Variants in PCDHGA1 observed in about 807,000 individuals in gnomAD.
PCDHGA1 encodes the protein protocadherin gamma-A1.
Under a neutral mutation model 58.0 loss-of-function variants are expected in PCDHGA1, and 32 were observed. The ratio of observed to expected loss-of-function variants is 0.55; its 90% confidence interval spans 0.42 to 0.74. The LOEUF is 0.74. PCDHGA1 is among the 30% of genes least tolerant of loss of function. The pLI, the probability that PCDHGA1 is intolerant of heterozygous loss-of-function variation, is 0.00. For missense variants in PCDHGA1, 1,205 were observed against 1,182.3 expected, an observed-to-expected ratio of 1.02 and a Z score of -0.28; for synonymous variants, 498 against 501.1, an observed-to-expected ratio of 0.99 and a Z score of 0.08.
rs184860941 is a variant in PCDHGA1, at chr5:141,386,661, G to A, written c.2421+53556G>A. On this transcript the variant is annotated intron_variant, in intron 1 of 3. Coordinates refer to ENST00000517417, the MANE Select transcript of PCDHGA1 (RefSeq NM_018912.3). ...CTGGATACATTTTACAAGTTCTGCA[G>A]TGTTCACATTTCAGATGTACAATCA... Among the ~76,000 whole-genome samples the A allele has an allele frequency of 2.0e-4, 31 of 152,110 alleles. No individual in the cohort carries two copies. In the East Asian group the frequency reaches 3.5e-3, roughly 17 times the overall value.
intron 1 of PCDHGA1, chr5:141,356,943 C>G: frequency 1.2e-6 from 2 of 1,614,240 alleles, no homozygotes; most frequent in African/African-American, 1.3e-5. Flanking sequence ...CACCCCGCTC[C>G]GCAGATTCCG....
At chr5:141,361,700 A>G (rs1200553765) in intron 1 of PCDHGA1, 2 of 1,613,456 alleles carry the variant, frequency 1.2e-6, no homozygotes, top group Non-Finnish European at 1.7e-6. Context: ...GCCTTCGATC[A>G]TGAGCAGCTG....
chr5:141,413,075 AG>A (rs1225722826), intron 1 of PCDHGA1: 11 of 1,246,492 alleles, frequency 8.8e-6, no homozygotes, highest in Non-Finnish European at 1.1e-5. Context: ...TAAAGTGCCC[AG>A]GCTACAGAGA....
intron 1 of PCDHGA1, chr5:141,427,965 C>T: frequency 6.3e-7 from 1 of 1,590,342 alleles, no homozygotes; most frequent in Non-Finnish European, 8.6e-7. Flanking sequence ...GCCGCGGGTG[C>T]TGTACCCCGC....
chr5:141,436,384 C>A lies in PCDHGA1; in HGVS notation c.2422-58423C>A, dbSNP rs1048094484. 2.6e-5 allele frequency among the ~76,000 whole-genome samples: 4 copies of A among 152,222 alleles called. 1 individual carries two copies. Among genetic ancestry groups the A allele is most frequent in the Non-Finnish European group, 4.4e-5 (3 of 67,978 alleles). On this transcript the variant is annotated intron_variant, in intron 1 of 3. Coordinates refer to ENST00000517417, the MANE Select transcript of PCDHGA1 (RefSeq NM_018912.3). The stretch of plus-strand genomic sequence containing the variant: ...ATGTTTCCAGTTTAAGCTGAATAGG[C>A]TTTATTAAATAGTTGTTGAATGAAT...
intron 1 of PCDHGA1, chr5:141,364,809 C>A: frequency 6.2e-7 from 1 of 1,613,952 alleles, no homozygotes; most frequent in Non-Finnish European, 8.5e-7. Flanking sequence ...GCGCGGGATG[C>A]GGATGTGGGT....
At chr5:141,341,607 A>T in intron 1 of PCDHGA1, 2 of 964,978 alleles carry the variant, frequency 2.1e-6, no homozygotes. Context: ...ATGAATGTAA[A>T]CCAGGAGTTA....
chr5:141,422,228 T>C (rs1561800204), intron 1 of PCDHGA1: 1 of 1,565,566 alleles, frequency 6.4e-7, no homozygotes, highest in Non-Finnish European at 8.6e-7. Flanking sequence ...ACCACGACGA[T>C]GTTGATCACT....
Position 141,432,480 on chromosome 5 carries a change from G to T in PCDHGA1, c.2422-62327G>T, listed in dbSNP as rs775075732. On this transcript the variant is annotated intron_variant, in intron 1 of 3. Transcript: ENST00000517417. This position sits in a 1 kb window ranked among gnomAD's most constrained non-coding sequence, Gnocchi z 6.0. ...GCCCTCCCCACGGACGGTTCCACTG[G>T]CGTGGAGCTGGCTCCCCGCTCCGCA... The T allele has an allele frequency of 1.9e-6, 3 of 1,614,180 alleles. No individual in the cohort carries two copies. The highest frequency in any genetic ancestry group is 2.2e-5 in the South Asian group (2 of 91,078).
chr5:141,509,638 A>G (rs1204228233), intron 3 of PCDHGA1, among the ~76,000 whole-genome samples: 1 of 152,174 alleles, frequency 6.6e-6, no homozygotes, highest in Admixed American at 6.5e-5. Flanking sequence ...ATGCTGAGCC[A>G]GGGCCAGAGT....
chr5:141,432,707 G>T lies in PCDHGA1; in HGVS notation c.2422-62100G>T. The T allele has an allele frequency of 6.2e-7, 1 of 1,613,988 alleles. No homozygotes were observed. The highest frequency in any genetic ancestry group is 1.1e-5 in the South Asian group (1 of 91,080). ...CCTCGTAGTGGCCGTCCAGGACCAC[G>T]GCCAGCCCCCTCTCTCCGCCACTGT... On this transcript the variant is annotated intron_variant, in intron 1 of 3. Transcript: ENST00000517417. The surrounding 1 kb of genome is among the most constrained non-coding windows in gnomAD (Gnocchi z 6.0).
At chr5:141,447,023 G>GT (rs5871773) in intron 1 of PCDHGA1, among the ~76,000 whole-genome samples, 28,105 of 151,474 alleles carry the variant, frequency 0.19, 2,731 homozygotes, top group African/African-American at 0.24. Context: ...GTTTTGTTTT[G>GT]TTTTTTTTCT....
chr5:141,367,651 T>C (rs1205375044), intron 1 of PCDHGA1: 1 of 152,174 alleles, frequency 6.6e-6, no homozygotes, highest in Non-Finnish European at 1.5e-5. Context: ...TTAAGCCATG[T>C]AGTTATTGGA....
At chr5:141,373,462 G>C (rs1769608771) in intron 1 of PCDHGA1, among the ~76,000 whole-genome samples, 1 of 152,218 alleles carries the variant, frequency 6.6e-6, no homozygotes, top group African/African-American at 2.4e-5. Context: ...GGTAGCAGCT[G>C]CAATGAGCTA....
intron 1 of PCDHGA1, chr5:141,393,579 C>A: frequency 6.2e-7 from 1 of 1,613,888 alleles, no homozygotes; most frequent in South Asian, 1.1e-5. Flanking sequence ...TGAGAACATG[C>A]CCCCAGGCAC....
rs201408987 is a variant in PCDHGA1, at chr5:141,476,857, C to T, written c.2422-17950C>T. 12 of 1,613,768 alleles carry T rather than the reference C, an allele frequency of 7.4e-6. No individual in the cohort carries two copies. The highest frequency in any genetic ancestry group is 1.0e-5 in the Non-Finnish European group (12 of 1,180,054). ...ACAATGCGCCTGTCTTCAACCAGTC[C>T]TTGTACCGGGCGCGCGTCCTGGAGG... On this transcript the variant is annotated intron_variant, in intron 1 of 3. Transcript: ENST00000517417. The surrounding 1 kb of genome is among the most constrained non-coding windows in gnomAD (Gnocchi z 7.6).
At position 141,432,999 on chromosome 5, in the gene PCDHGA1, A is replaced by G. The variant is rs745921704; in HGVS notation, c.2422-61808A>G. The G allele has an allele frequency of 1.1e-5, 17 of 1,614,046 alleles. No individual in the cohort carries two copies. Among genetic ancestry groups the G allele is most frequent in the East Asian group, 4.5e-5 (2 of 44,862 alleles). On this transcript the variant is annotated intron_variant, in intron 1 of 3. Coordinates refer to ENST00000517417, the MANE Select transcript of PCDHGA1 (RefSeq NM_018912.3). This position sits in a 1 kb window ranked among gnomAD's most constrained non-coding sequence, Gnocchi z 6.0. ...CACTTTGTGGGCGTGGACGGGGTGC[A>G]GGCTTTCCTGCAGACCTATTCCCAC...
intron 1 of PCDHGA1, chr5:141,399,277 G>T: frequency 6.2e-7 from 1 of 1,613,890 alleles, no homozygotes; most frequent in Non-Finnish European, 8.5e-7. Flanking sequence ...TCAATTACAA[G>T]GCGAAGTCCC....
chr5:141,461,072 A>C (rs555905734), intron 1 of PCDHGA1, among the ~76,000 whole-genome samples: 1 of 151,688 alleles, frequency 6.6e-6, no homozygotes, highest in African/African-American at 2.4e-5. Context: ...ACATTTTTGC[A>C]ATTGTGAATT....
Sources: gnomAD v4.1 joint callset for allele counts (sites outside exome capture counted in the v4.1 genomes callset) on GRCh38, gnomAD v4.1.1 for gene constraint, Gnocchi (gnomAD v3.1) non-coding constraint, MANE v1.5 for transcripts, NCBI Gene and HGNC (gene_info 2026-07-23, HGNC 2026-07-21) for gene names.